CFH: variants seen among roughly 807,000 people sequenced by gnomAD.
The protein encoded by CFH is H factor 1 (complement).
Under a neutral mutation model 147.3 loss-of-function variants are expected in CFH, and 53 were observed. That is an observed-to-expected ratio of 0.36 (90% CI 0.29 to 0.45). The LOEUF is 0.45. CFH is among the 20% of genes least tolerant of loss of function. The probability of loss-of-function intolerance (pLI) is 1.00; values close to 1 mark genes in which losing one functional copy is unlikely to be tolerated. For missense variants in CFH, 1,380 were observed against 1,498.0 expected (o/e 0.92, Z 1.30); for synonymous variants, 536 against 489.4 (o/e 1.10, Z -1.26).
chr1:196,712,994 A>G (rs926535864), intron 9 of CFH, among the ~76,000 whole-genome samples: 3 of 151,752 alleles, frequency 2.0e-5, no homozygotes. Context: ...TATGTGCCAC[A>G]TTTTCTTAAT....
At chr1:196,670,445 G>A (rs762619196) in intron 1 of CFH, among the ~76,000 whole-genome samples, 14 of 152,252 alleles carry the variant, frequency 9.2e-5, no homozygotes, top group South Asian at 6.2e-4. Context: ...CCAGTGGGAC[G>A]TGCTTGGATC....
intron 1 of CFH, among the ~76,000 whole-genome samples, chr1:196,661,402 G>C (rs1666899225): frequency 6.6e-6 from 1 of 152,094 alleles, no homozygotes. Flanking sequence ...TAACTGCCTA[G>C]CTTATAAACA....
At position 196,695,745 on chromosome 1, in the gene CFH, C is replaced by T. The variant is rs368351716; in HGVS notation, c.1336+5506C>T. Among the ~76,000 whole-genome samples, 187 of 151,972 alleles carry T rather than the reference C, an allele frequency of 1.2e-3. 1 individual carries two copies. The highest frequency in any genetic ancestry group is 4.3e-3 in the African/African-American group (177 of 41,506). ...GCATCCCTTGTAAGTTGTATTTCTA[C>T]GTATTTTATTTTCTTTGTGGCAATT... On this transcript the variant is annotated intron_variant, in intron 9 of 21. Coordinates refer to ENST00000367429, the MANE Select transcript of CFH (RefSeq NM_000186.4).
At chr1:196,737,933 C>T (rs1010739491) in intron 17 of CFH, among the ~76,000 whole-genome samples, 5 of 152,110 alleles carry the variant, frequency 3.3e-5, no homozygotes, top group African/African-American at 1.2e-4. Context: ...TAAAGAACTG[C>T]CCAATACTGG....
intron 1 of CFH, among the ~76,000 whole-genome samples, chr1:196,653,970 A>T (rs1558147015): frequency 1.3e-5 from 2 of 152,132 alleles, no homozygotes; most frequent in African/African-American, 2.4e-5. Context: ...TTTTCAGTGG[A>T]TATCAGACTC....
intron 9 of CFH, 71 bp from the exon 10 acceptor site, chr1:196,713,664 C>A: frequency 3.1e-6 from 3 of 966,186 alleles, no homozygotes; most frequent in Non-Finnish European, 3.2e-6. Context: ...TTTATATTTA[C>A]ATATTACTTA....
intron 1 of CFH, among the ~76,000 whole-genome samples, chr1:196,664,972 A>T (rs1667032368): frequency 6.6e-6 from 1 of 151,850 alleles, no homozygotes; most frequent in Non-Finnish European, 1.5e-5. Flanking sequence ...TTTATTTAAT[A>T]ATAATATTTA....
chr1:196,731,916 T>C (rs553186973), intron 15 of CFH, among the ~76,000 whole-genome samples: 3 of 152,168 alleles, frequency 2.0e-5, no homozygotes, highest in Middle Eastern at 3.4e-3. Flanking sequence ...CTTTTTTCAA[T>C]ACTTGGTCTA....
chr1:196,714,708 G>A (rs1445006164), intron 10 of CFH, among the ~76,000 whole-genome samples: 8 of 132,864 alleles, frequency 6.0e-5, no homozygotes, highest in Non-Finnish European at 1.1e-4. Context: ...GAGAGAGAGA[G>A]AGAGAGAGAG....
rs1310080130 is a variant in CFH at position 196,690,142 on chromosome 1, C to T, written c.1239C>T (p.Asp413=). 9 of 1,613,042 alleles carry T rather than the reference C, an allele frequency of 5.6e-6. No homozygotes were observed. Among genetic ancestry groups the T allele is most frequent in the Non-Finnish European group, 6.8e-6 (8 of 1,179,472 alleles). ...AGTTTGTACAGGGTAAATCTATAGA[C>T]GTTGCCTGCCATCCTGGCTACGCTC... The part of the protein sequence containing the change: ...GRKFVQGKSI[D]VACHPGYALP... Residue 413 remains aspartate, a synonymous_variant, in exon 9 of 22, where the codon GAC becomes GAT. Transcript: ENST00000367429.
At chr1:196,712,759 C>T (rs1365087629) in intron 9 of CFH, among the ~76,000 whole-genome samples, 2 of 115,484 alleles carry the variant, frequency 1.7e-5, no homozygotes, top group South Asian at 3.6e-4. Context: ...AATGCTATCC[C>T]TCCCCCCTCC....
intron 20 of CFH, 92 bp from the exon 21 acceptor site, chr1:196,745,725 T>C: frequency 1.3e-6 from 2 of 1,548,176 alleles, no homozygotes; most frequent in Non-Finnish European, 1.8e-6. Context: ...CTGTTGATAT[T>C]ATATACAGTG....
chr1:196,667,022 C>T (rs1354004353), intron 1 of CFH, among the ~76,000 whole-genome samples: 2 of 152,008 alleles, frequency 1.3e-5, no homozygotes, highest in African/African-American at 4.8e-5. Context: ...AATAATGTTG[C>T]TTATATCTTG....
At chr1:196,658,976 G>T (rs1356457769) in intron 1 of CFH, among the ~76,000 whole-genome samples, 1 of 152,202 alleles carries the variant, frequency 6.6e-6, no homozygotes, top group Non-Finnish European at 1.5e-5. Context: ...GTAAACGTAA[G>T]ATGAAGTATT....
chr1:196,726,970 A>C (rs769191974), intron 14 of CFH, 30 bp downstream of exon 14: 1 of 1,586,364 alleles, frequency 6.3e-7, no homozygotes. Context: ...ATCAACATTT[A>C]ACAAAGTTTA....
At chr1:196,702,405 G>T (rs963603608) in intron 9 of CFH, among the ~76,000 whole-genome samples, 1 of 151,936 alleles carries the variant, frequency 6.6e-6, no homozygotes, top group African/African-American at 2.4e-5. Flanking sequence ...GCTGCCACAG[G>T]CCAGCCTATA....
At chr1:196,675,487 G>A (rs535565916) in intron 3 of CFH, among the ~76,000 whole-genome samples, 3 of 152,162 alleles carry the variant, frequency 2.0e-5, no homozygotes, top group Admixed American at 2.0e-4. Flanking sequence ...GAATCATGGA[G>A]GACAGAAATA....
intron 9 of CFH, among the ~76,000 whole-genome samples, chr1:196,705,107 A>G (rs932575882): frequency 6.6e-5 from 10 of 152,202 alleles, no homozygotes; most frequent in South Asian, 2.1e-4. Context: ...GGGACCTCCA[A>G]TTGAAAAATG....
intron 1 of CFH, 21 bp downstream of exon 1, chr1:196,652,196 T>C (rs554002327): frequency 6.4e-7 from 1 of 1,569,150 alleles, no homozygotes; most frequent in East Asian, 2.2e-5. Flanking sequence ...AAGAGACTCT[T>C]TTCTGAAAAC....
Sources: allele counts gnomAD v4.1 joint callset (sites outside exome capture counted in the v4.1 genomes callset), GRCh38; gene constraint gnomAD v4.1.1; transcripts MANE v1.5; gene names NCBI Gene and HGNC (gene_info 2026-07-23, HGNC 2026-07-21).